The following MTOR variants were observed in gnomAD, a reference collection of about 807,000 sequenced individuals.
MTOR encodes mechanistic target of rapamycin kinase, also known as serine/threonine-protein kinase mTOR.
Under a neutral mutation model 319.8 loss-of-function variants are expected in MTOR, and 70 were observed. That is an observed-to-expected ratio of 0.22 (90% confidence interval 0.18 to 0.27). MTOR has a LOEUF of 0.27. Ranked by LOEUF, MTOR falls within the 10% of genes least tolerant of loss-of-function variation. MTOR has a pLI of 1.00. For missense variants in MTOR, 1,890 were observed against 3,274.4 expected, an observed-to-expected ratio of 0.58 and a Z score of 10.32; for synonymous variants, 1,183 against 1,211.4, an observed-to-expected ratio of 0.98 and a Z score of 0.49.
Position 11,192,245 on chromosome 1 carries a change from C to T in MTOR, c.4253+7013G>A, listed in dbSNP as rs370783607. 168 of 1,545,412 alleles carry T rather than the reference C, an allele frequency of 1.1e-4. 1 individual carries two copies. Among genetic ancestry groups the T allele is most frequent in the Non-Finnish European group, 2.1e-5 (23 of 1,118,212 alleles). ...GATGGAGCCACTGGGTCTAAATGCT[C>T]ACCCTGTGGTTTGTTCTCTTGTAGA... is the stretch of plus-strand genomic sequence containing the variant. On this transcript the variant is annotated intron_variant, in intron 28 of 57. Transcript: ENST00000361445.
At position 11,199,803 on chromosome 1, in the gene MTOR, G is replaced by A; in HGVS notation, c.3945-100C>T. On this transcript the variant is annotated intron_variant, in intron 26 of 57. Transcript: ENST00000361445. This position sits in a 1 kb window ranked among gnomAD's most constrained non-coding sequence, Gnocchi z 4.5. ...TTCGCTTTTGGCATCACTGATTTTGGTTATACAAACCAGTGCTATACAGAC... is the reference window on the plus strand; with the variant it reads ...TTCGCTTTTGGCATCACTGATTTTGATTATACAAACCAGTGCTATACAGAC... 1.5e-6 allele frequency: 2 copies of A among 1,317,124 alleles called. No individual in the cohort carries two copies. The highest frequency in any genetic ancestry group is 2.1e-6 in the Non-Finnish European group (2 of 951,286). The allele number at this position is 1,317,124 out of a possible 1,614,324, so 81.6% of individuals were successfully genotyped here.
rs1192848906 is a variant in MTOR at position 11,130,735 on chromosome 1, G to A, written c.5407C>T (p.His1803Tyr). ...WAVMNFEAVLHYKHQNQARDE... is the reference protein window; with the variant it reads ...WAVMNFEAVLYYKHQNQARDE... Reference sequence around the variant, plus strand: ...CGGGCTTGGTTCTGATGTTTGTAGTGTAGCACAGCTTCGAAGTTCATCACT... The same window carrying A: ...CGGGCTTGGTTCTGATGTTTGTAGTATAGCACAGCTTCGAAGTTCATCACT... Residue 1803 changes from histidine (H) to tyrosine (Y), a missense_variant, in exon 39 of 58, where the codon CAC becomes TAC. By Grantham distance (83) the His-to-Tyr change is moderately conservative. Coordinates refer to ENST00000361445, the MANE Select transcript of MTOR (RefSeq NM_004958.4). 6.3e-7 allele frequency: 1 copy of A among 1,590,186 alleles called. No individual in the cohort carries two copies. The highest frequency in any genetic ancestry group is 8.6e-7 in the Non-Finnish European group (1 of 1,167,828).
chr1:11,201,611 C>A (rs1391856824), intron 26 of MTOR, among the ~76,000 whole-genome samples: 3 of 152,008 alleles, frequency 2.0e-5, no homozygotes, highest in African/African-American at 7.3e-5. Context: ...ATATCCAATG[C>A]AGAAAAATTT....
chr1:11,128,652 C>T lies in MTOR; in HGVS notation c.5812-100G>A. The T allele has an allele frequency of 7.9e-7, 1 of 1,260,056 alleles. No individual in the cohort carries two copies. Among genetic ancestry groups the T allele is most frequent in the Non-Finnish European group, 1.1e-6 (1 of 875,644 alleles). The allele number at this position is 1,260,056 out of a possible 1,614,324, so 78.1% of individuals were successfully genotyped here. A position where few individuals can be genotyped will look rare whatever the true frequency, so the allele number is the denominator to read the frequency against. On this transcript the variant is annotated intron_variant, in intron 41 of 57. Coordinates refer to ENST00000361445, the MANE Select transcript of MTOR (RefSeq NM_004958.4). This position sits in a 1 kb window ranked among gnomAD's most constrained non-coding sequence, Gnocchi z 5.3. ...TTCTTTTAACTTGTTTCGGTTGATG[C>T]TCTGAAATGGTTCATTCCCTTCCCT...
intron 19 of MTOR, among the ~76,000 whole-genome samples, chr1:11,220,080 A>T (rs1360374864): frequency 6.6e-6 from 1 of 151,128 alleles, no homozygotes; most frequent in Non-Finnish European, 1.5e-5. Flanking sequence ...AAAAAATAGA[A>T]GGGTATAAGG....
At position 11,151,298 on chromosome 1, in the gene MTOR, C is replaced by T. The variant is rs138049764; in HGVS notation, c.4470-1072G>A. Among the ~76,000 whole-genome samples, 279 of 152,130 alleles carry T rather than the reference C, an allele frequency of 1.8e-3. 2 individuals carry two copies. The highest frequency in any genetic ancestry group is 3.3e-3 in the Non-Finnish European group (224 of 68,008). ...CTTTGTTGTCTCTCTGGCACATGAT[C>T]AAGAAAACCAGGGACACAAGCACTC... is the stretch of plus-strand genomic sequence containing the variant. On this transcript the variant is annotated intron_variant, in intron 30 of 57. Coordinates refer to ENST00000361445, the MANE Select transcript of MTOR (RefSeq NM_004958.4).
At chr1:11,216,022 C>T (rs1179039373) in intron 20 of MTOR, 126 bp downstream of exon 20, 3 of 568,808 alleles carry the variant, frequency 5.3e-6, no homozygotes, top group Admixed American at 3.1e-5. Flanking sequence ...CTTTGTTCCA[C>T]TTCCTGTACT....
chr1:11,208,097 G>C (rs950587885), intron 25 of MTOR, among the ~76,000 whole-genome samples: 10 of 152,182 alleles, frequency 6.6e-5, no homozygotes, highest in African/African-American at 2.4e-4. Context: ...GGGTGGAAAT[G>C]TACATCTGGC....
chr1:11,209,928 C>A (rs189762046), intron 24 of MTOR, among the ~76,000 whole-genome samples: 80 of 151,820 alleles, frequency 5.3e-4, no homozygotes, highest in Non-Finnish European at 5.9e-5. Context: ...AGTGCAGTAG[C>A]GCAATCTCAG....
At chr1:11,246,573 C>G (rs1300349844) in intron 8 of MTOR, among the ~76,000 whole-genome samples, 1 of 148,944 alleles carries the variant, frequency 6.7e-6, no homozygotes, top group African/African-American at 2.4e-5. Flanking sequence ...TGTTTAACAC[C>G]TGACCAGCTA....
Position 11,198,350 on chromosome 1 carries a change from G to A in MTOR, c.4253+908C>T, listed in dbSNP as rs1393733259. On this transcript the variant is annotated intron_variant, in intron 28 of 57. Transcript: ENST00000361445. Reference sequence around the variant, plus strand: ...AACAGGATTCTATTTCTATCTTTTCGCTAACTTTTTAAAGTGTTAAAGGAA... The same window carrying A: ...AACAGGATTCTATTTCTATCTTTTCACTAACTTTTTAAAGTGTTAAAGGAA... Among the ~76,000 whole-genome samples the A allele has an allele frequency of 4.6e-5, 7 of 151,984 alleles. No homozygotes were observed. The East Asian group carries it at 5.8e-4, about 13-fold the overall frequency.
In MTOR at chr1:11,122,842, G is replaced by C. The variant is rs759893297; in HGVS notation, c.6663-716C>G. 5.2e-4 allele frequency among the ~76,000 whole-genome samples: 79 copies of C among 152,242 alleles called. 1 individual carries two copies. Among genetic ancestry groups the C allele is most frequent in the Admixed American group, 2.5e-3 (38 of 15,286 alleles). ...TTTTTAATGAGCCCCCGCCGCAGCAGGCTGGTGTGAAGTGTGTGTTGAGGG... is the reference window on the plus strand; with the variant it reads ...TTTTTAATGAGCCCCCGCCGCAGCACGCTGGTGTGAAGTGTGTGTTGAGGG... On this transcript the variant is annotated intron_variant, in intron 47 of 57. Transcript: ENST00000361445.
chr1:11,165,040 T>C (rs1398156772), intron 29 of MTOR, among the ~76,000 whole-genome samples: 2 of 151,868 alleles, frequency 1.3e-5, no homozygotes, highest in Non-Finnish European at 2.9e-5. Flanking sequence ...TTCAAGAAAA[T>C]TCAACAGCGC....
chr1:11,131,977 T>C (rs767670933), intron 38 of MTOR: 3 of 152,224 alleles, frequency 2.0e-5, no homozygotes. Flanking sequence ...ATTTATTCAC[T>C]GAATATCTCT....
Position 11,186,062 on chromosome 1 carries a change from G to A in MTOR, c.4253+13196C>T, listed in dbSNP as rs565154519. 6.0e-5 allele frequency among the ~76,000 whole-genome samples: 7 copies of A among 117,188 alleles called. 1 individual carries two copies. The highest frequency in any genetic ancestry group is 5.6e-4 in the East Asian group (2 of 3,598). 76.9% of individuals were successfully genotyped at this position (117,188 alleles called of 152,430 possible). On this transcript the variant is annotated intron_variant, in intron 28 of 57. Transcript: ENST00000361445. Reference sequence around the variant, plus strand: ...CGTGCCACTGCACTCCAGCCTGGACGACAGAGCAAGACTCCGTCTCAAAAA... The same window carrying A: ...CGTGCCACTGCACTCCAGCCTGGACAACAGAGCAAGACTCCGTCTCAAAAA...
At position 11,213,335 on chromosome 1, in the gene MTOR, C is replaced by A. The variant is rs1172755228; in HGVS notation, c.3285+64G>T. 3.2e-6 allele frequency: 5 copies of A among 1,544,680 alleles called. No individual in the cohort carries two copies. In the East Asian group the frequency reaches 1.1e-4, roughly 35 times the overall value. The stretch of plus-strand genomic sequence containing the variant: ...CTCAGAATGAGGTCTCAGCTTTTAG[C>A]TGATCACCCAGGGACTCAGAGGAAA... On this transcript the variant is annotated intron_variant, in intron 21 of 57. Coordinates refer to ENST00000361445, the MANE Select transcript of MTOR (RefSeq NM_004958.4).
intron 30 of MTOR, among the ~76,000 whole-genome samples, chr1:11,153,006 C>A (rs1644199462): frequency 6.6e-6 from 1 of 152,190 alleles, no homozygotes; most frequent in Non-Finnish European, 1.5e-5. Context: ...AGAACGGCAA[C>A]ATCAGGAGAT....
At chr1:11,195,920 T>C (rs1183372862) in intron 28 of MTOR, 1 of 152,230 alleles carries the variant, frequency 6.6e-6, no homozygotes, top group East Asian at 1.9e-4. Flanking sequence ...TAAAATATTG[T>C]GGTTTTGTTT....
chr1:11,240,368 G>A lies in MTOR; in HGVS notation c.1721C>T (p.Pro574Leu). ...QLASPGLTTL[P>L]EASDVGSITL... ...GATGCTGCCCACATCGCTGGCCTCA[G>A]GGAGGGTCGTGAGGCCAGGAGAGGC... The change falls in exon 11 of 58, where the codon CCT becomes CTT. Residue 574 changes from proline (P) to leucine (L), a missense_variant. Physicochemically the swap from Pro to Leu is moderately conservative, Grantham distance 98 (BLOSUM62 -3). This residue lies in a region of MTOR where 418 missense variants were observed against 543.1 expected (regional missense o/e 0.77). Transcript: ENST00000361445. The A allele has an allele frequency of 6.2e-7, 1 of 1,613,968 alleles. No homozygotes were observed. The highest frequency in any genetic ancestry group is 1.3e-5 in the African/African-American group (1 of 75,066).
Sources: allele counts gnomAD v4.1 joint callset (sites outside exome capture counted in the v4.1 genomes callset), GRCh38; gene constraint gnomAD v4.1.1; regional missense constraint gnomAD v4.1.1; non-coding constraint Gnocchi (gnomAD v3.1); transcripts MANE v1.5; gene names NCBI Gene and HGNC (gene_info 2026-07-23, HGNC 2026-07-21).